Variants in C12orf42 observed in about 807,000 individuals in gnomAD.
C12orf42 encodes uncharacterized protein C12orf42.
In C12orf42, 25 loss-of-function variants were observed where a neutral mutation model predicts 21.6. The observed-to-expected ratio is 1.16, with a 90% CI of 0.84 to 1.62. The LOEUF (loss-of-function observed/expected upper bound fraction) is 1.62. Among genes scored for constraint, C12orf42 ranks in the 40% most tolerant of loss-of-function variants. The probability of loss-of-function intolerance (pLI) is 0.00; values close to 1 mark genes in which losing one functional copy is unlikely to be tolerated. For synonymous variants in C12orf42, 174 were observed against 175.0 expected, an observed-to-expected ratio of 0.99 and a Z score of 0.05; for missense variants, 483 against 459.3, an observed-to-expected ratio of 1.05 and a Z score of -0.47.
At chr12:103,341,951 T>C (rs528608404) in intron 4 of C12orf42, among the ~76,000 whole-genome samples, 1 of 152,344 alleles carries the variant, frequency 6.6e-6, no homozygotes, top group South Asian at 2.1e-4. Context: ...GTTAAATAAA[T>C]CTTTTCTTTT....
the C12orf42 span, chr12:103,559,898 A>G: frequency 6.6e-6 from 1 of 152,222 alleles, no homozygotes; most frequent in Admixed American, 6.5e-5. Context: ...TATTATTCCC[A>G]TGATCATCTC....
At chr12:103,245,475 A>T (rs751747341) in intron 10 of C12orf42, among the ~76,000 whole-genome samples, 14 of 152,096 alleles carry the variant, frequency 9.2e-5, no homozygotes, top group Non-Finnish European at 1.6e-4. Context: ...CACATTTTTC[A>T]TGTAAAAAAA....
the C12orf42 span, among the ~76,000 whole-genome samples, chr12:103,562,230 C>T: frequency 2.0e-5 from 3 of 152,118 alleles, no homozygotes; most frequent in Admixed American, 2.0e-4. Context: ...CATGTTGGGG[C>T]TGCTGTATTT....
At chr12:103,417,986 T>C (rs1165933901) in intron 2 of C12orf42, among the ~76,000 whole-genome samples, 1 of 152,250 alleles carries the variant, frequency 6.6e-6, no homozygotes, top group Non-Finnish European at 1.5e-5. Flanking sequence ...TAATTCTGTC[T>C]AATTCAACTT....
chr12:103,445,661 T>G (rs1951533870), intron 2 of C12orf42, among the ~76,000 whole-genome samples: 1 of 151,998 alleles, frequency 6.6e-6, no homozygotes, highest in Non-Finnish European at 1.5e-5. Context: ...TCTTTCTGGA[T>G]TATATGTATT....
At chr12:103,075,044 T>C in the C12orf42 span, among the ~76,000 whole-genome samples, 1 of 152,224 alleles carries the variant, frequency 6.6e-6, no homozygotes, top group South Asian at 2.1e-4. Context: ...GCTGTGATCA[T>C]GCCATTGCAC....
chr12:103,537,242 A>C, the C12orf42 span, among the ~76,000 whole-genome samples: 1 of 152,178 alleles, frequency 6.6e-6, no homozygotes, highest in African/African-American at 2.4e-5. Flanking sequence ...GAAAATCTCA[A>C]AGATAGCCTC....
chr12:103,236,946 G>T (rs76112411), downstream of C12orf42, among the ~76,000 whole-genome samples: 9 of 152,252 alleles, frequency 5.9e-5, no homozygotes, highest in African/African-American at 1.9e-4. Context: ...GCAGCATATC[G>T]TAGGTAGGGT....
At chr12:103,431,370 C>T (rs991165945) in intron 2 of C12orf42, 3 of 152,148 alleles carry the variant, frequency 2.0e-5, no homozygotes, top group Non-Finnish European at 2.9e-5. Context: ...TCCGCAAAGC[C>T]ACATGAATAG....
intron 4 of C12orf42, among the ~76,000 whole-genome samples, chr12:103,357,099 A>T (rs2043647056): frequency 7.2e-6 from 1 of 139,584 alleles, no homozygotes; most frequent in African/African-American, 2.7e-5. Flanking sequence ...TTGAACAATG[A>T]GAACACATGG....
At chr12:103,538,828 G>A in the C12orf42 span, among the ~76,000 whole-genome samples, 1 of 151,962 alleles carries the variant, frequency 6.6e-6, no homozygotes, top group Non-Finnish European at 1.5e-5. Context: ...CTGTTTTCCT[G>A]GCCAAATCCT....
chr12:103,256,725 A>C (rs2034636685), intron 10 of C12orf42, among the ~76,000 whole-genome samples: 1 of 152,230 alleles, frequency 6.6e-6, no homozygotes, highest in Non-Finnish European at 1.5e-5. Flanking sequence ...ACCTATGGAG[A>C]AACCACTAGA....
At chr12:103,164,345 ATCCCCTT>A in the C12orf42 span, 1 of 453,278 alleles carries the variant, frequency 2.2e-6, no homozygotes, top group Non-Finnish European at 4.4e-6. Context: ...AGACTCTCCT[ATCCCCTT>A]TCATAGAAAT....
chr12:103,062,609 T>C, the C12orf42 span, among the ~76,000 whole-genome samples: 5 of 152,054 alleles, frequency 3.3e-5, no homozygotes, highest in Non-Finnish European at 7.4e-5. Flanking sequence ...GACAAAACCA[T>C]GATTACTTTT....
At chr12:103,206,664 G>A in the C12orf42 span, among the ~76,000 whole-genome samples, 1 of 152,088 alleles carries the variant, frequency 6.6e-6, no homozygotes, top group African/African-American at 2.4e-5. Flanking sequence ...CAGAATCAGA[G>A]CTTACTATTT....
chr12:103,269,240 A>G (rs1251596719), intron 6 of C12orf42, among the ~76,000 whole-genome samples: 1 of 152,160 alleles, frequency 6.6e-6, no homozygotes, highest in Non-Finnish European at 1.5e-5. Flanking sequence ...TTTAAAAATT[A>G]GAGTTTAGAG....
intron 2 of C12orf42, among the ~76,000 whole-genome samples, chr12:103,433,103 T>C (rs1950388114): frequency 6.6e-6 from 1 of 152,204 alleles, no homozygotes; most frequent in Non-Finnish European, 1.5e-5. Flanking sequence ...ATCCAGGCCA[T>C]AGCTTCCCAA....
the C12orf42 span, among the ~76,000 whole-genome samples, chr12:103,149,407 A>G: frequency 6.6e-6 from 1 of 152,196 alleles, no homozygotes; most frequent in Non-Finnish European, 1.5e-5. Context: ...ATTTCTGATA[A>G]ACAATGATTT....
intron 4 of C12orf42, among the ~76,000 whole-genome samples, chr12:103,290,562 G>A (rs1437012112): frequency 6.6e-6 from 1 of 152,138 alleles, no homozygotes; most frequent in Non-Finnish European, 1.5e-5. Flanking sequence ...AGGAGGTGTG[G>A]GAAGGAAGGA....
Sources: gnomAD v4.1 joint callset for allele counts (sites outside exome capture counted in the v4.1 genomes callset) on GRCh38, gnomAD v4.1.1 for gene constraint, MANE v1.5 for transcripts, NCBI Gene and HGNC (gene_info 2026-07-23, HGNC 2026-07-21) for gene names.